UGT2A2: variants seen among roughly 807,000 people sequenced by gnomAD.
UGT2A2 encodes UDP-glucuronosyltransferase 2A2.
In UGT2A2, 60 loss-of-function variants were observed where a neutral mutation model predicts 50.7. The observed-to-expected ratio is 1.18, with a 90% confidence interval of 0.96 to 1.47. UGT2A2 has a LOEUF of 1.47. Ranked by LOEUF, UGT2A2 falls within the 40% of genes most tolerant of loss-of-function variation. UGT2A2 has a pLI of 0.00. For missense variants in UGT2A2, 762 were observed against 634.0 expected (o/e 1.20, Z -2.17); for synonymous variants, 242 against 214.6 (o/e 1.13, Z -1.11).
At chr4:69,595,115 C>A (rs752513302) in intron 4 of UGT2A2, 47 bp downstream of exon 4, 1 of 1,605,150 alleles carries the variant, frequency 6.2e-7, no homozygotes, top group African/African-American at 1.3e-5. Context: ...AGTTACTTAA[C>A]TTGTCTATTG....
chr4:69,637,614 TC>T (rs1271484920), intron 1 of UGT2A2, among the ~76,000 whole-genome samples: 2 of 152,156 alleles, frequency 1.3e-5, no homozygotes, highest in African/African-American at 4.8e-5. Context: ...CTCTGCCTGC[TC>T]TATTTAAATA....
intron 1 of UGT2A2, among the ~76,000 whole-genome samples, chr4:69,613,688 T>C (rs1021472738): frequency 2.0e-5 from 3 of 152,046 alleles, no homozygotes; most frequent in African/African-American, 7.2e-5. Context: ...AATCAATAAA[T>C]GTGATACATC....
At chr4:69,591,122 A>G (rs1250740307) in intron 5 of UGT2A2, among the ~76,000 whole-genome samples, 1 of 152,114 alleles carries the variant, frequency 6.6e-6, no homozygotes, top group Non-Finnish European at 1.5e-5. Flanking sequence ...TTTTGCATCA[A>G]TAGTTTTGTC....
chr4:69,616,245 G>T (rs1720373056), intron 1 of UGT2A2, among the ~76,000 whole-genome samples: 1 of 151,814 alleles, frequency 6.6e-6, no homozygotes, highest in Admixed American at 6.6e-5. Flanking sequence ...CTTGGGGGGT[G>T]GGGAGGGTAT....
chr4:69,599,583 G>A, intron 1 of UGT2A2, 189 bp from the exon 2 acceptor site: 8 of 813,892 alleles, frequency 9.8e-6, no homozygotes, highest in South Asian at 3.8e-5. Flanking sequence ...GAAGGAGGAA[G>A]GAAGAAAAGA....
chr4:69,604,996 A>C (rs1400195719), intron 1 of UGT2A2, among the ~76,000 whole-genome samples: 1 of 136,318 alleles, frequency 7.3e-6, no homozygotes, highest in Non-Finnish European at 1.6e-5. Flanking sequence ...CCCACTGTCA[A>C]CGTTAGACAG....
intron 1 of UGT2A2, among the ~76,000 whole-genome samples, chr4:69,624,283 ATGCAGCCACTCCAC>A (rs1349668934): frequency 6.6e-5 from 10 of 151,518 alleles, no homozygotes; most frequent in African/African-American, 1.7e-4. Context: ...TCTAATATTA[ATGCAGCCACTCCAC>A]CTTTACTTTA....
At chr4:69,620,656 A>C (rs1259027972) in intron 1 of UGT2A2, among the ~76,000 whole-genome samples, 2 of 69,892 alleles carry the variant, frequency 2.9e-5, no homozygotes, top group Non-Finnish European at 6.2e-5. Flanking sequence ...ATATGGAACC[A>C]AAAAAAAAAA....
chr4:69,607,132 C>A (rs544263850), intron 1 of UGT2A2, among the ~76,000 whole-genome samples: 12 of 147,510 alleles, frequency 8.1e-5, no homozygotes. Context: ...GCCAAAAGAA[C>A]AAAGCTGGAG....
At chr4:69,612,099 C>G (rs548206989) in intron 1 of UGT2A2, among the ~76,000 whole-genome samples, 1 of 152,062 alleles carries the variant, frequency 6.6e-6, no homozygotes, top group African/African-American at 2.4e-5. Flanking sequence ...AGCCTCAAAG[C>G]CTTCCCACAG....
chr4:69,622,560 T>C (rs1257558325), intron 1 of UGT2A2, among the ~76,000 whole-genome samples: 2 of 151,754 alleles, frequency 1.3e-5, no homozygotes, highest in African/African-American at 2.4e-5. Context: ...ATCTATATAA[T>C]GGATACAATA....
At chr4:69,618,636 G>A (rs535487286) in intron 1 of UGT2A2, among the ~76,000 whole-genome samples, 7 of 151,886 alleles carry the variant, frequency 4.6e-5, no homozygotes, top group African/African-American at 1.2e-4. Flanking sequence ...TGAAACCCTC[G>A]ATACAGTAAA....
rs756716096 is a variant in UGT2A2, at chr4:69,594,524, T to G, written c.1284A>C (p.Thr428=). The G allele has an allele frequency of 1.9e-6, 3 of 1,614,034 alleles. No homozygotes were observed. The African/African-American group carries it at 4.0e-5, about 22-fold the overall frequency. Residue 428 remains threonine, a synonymous_variant, in exon 5 of 6, where the codon ACA becomes ACC. Coordinates refer to ENST00000604629, the MANE Select transcript of UGT2A2 (RefSeq NM_001105677.2). Reference sequence around the variant, plus strand: ...TCAAAGCGCTAAGCAAATCCACACTTGTCATTGTGTTTAGGTTCACTTCCA... The same window carrying G: ...TCAAAGCGCTAAGCAAATCCACACTGGTCATTGTGTTTAGGTTCACTTCCA... ...AAVEVNLNTM[T]SVDLLSALRT...
In UGT2A2 at chr4:69,588,806, A is replaced by G. The variant is rs1276443552; in HGVS notation, c.*566T>C. 2 of 152,144 alleles carry G rather than the reference A, an allele frequency of 1.3e-5. No individual in the cohort carries two copies. The highest frequency in any genetic ancestry group is 4.8e-5 in the African/African-American group (2 of 41,444). The allele number at this position is 152,144 out of a possible 1,614,324, so 9.4% of individuals were successfully genotyped here. A position where few individuals can be genotyped will look rare whatever the true frequency, so the allele number is the denominator to read the frequency against. ...AATGAAAATTTTGTAGACATTTAAT[A>G]GGGACGCACGTCACACTTAAAATTC... On this transcript the variant is annotated 3_prime_UTR_variant, in exon 6 of 6. Coordinates refer to ENST00000604629, the MANE Select transcript of UGT2A2 (RefSeq NM_001105677.2).
intron 1 of UGT2A2, among the ~76,000 whole-genome samples, chr4:69,617,366 G>A (rs1040918927): frequency 1.3e-5 from 2 of 151,736 alleles, no homozygotes; most frequent in East Asian, 3.9e-4. Flanking sequence ...TGTTGACGGC[G>A]TAAAAATAAA....
At chr4:69,615,235 C>A (rs551721831) in intron 1 of UGT2A2, among the ~76,000 whole-genome samples, 1 of 152,008 alleles carries the variant, frequency 6.6e-6, no homozygotes, top group Non-Finnish European at 1.5e-5. Flanking sequence ...TAAATCTAAT[C>A]TTTCTAATCT....
At position 69,612,560 on chromosome 4, in the gene UGT2A2, A is replaced by G. The variant is rs373041200; in HGVS notation, c.743-13166T>C. On this transcript the variant is annotated intron_variant, in intron 1 of 5. Transcript: ENST00000604629. Reference sequence around the variant, plus strand: ...AGATAGACGAATGGAGCAGAAAACAAAACTCATTAATAAAGCCACACAAAA... The same window carrying G: ...AGATAGACGAATGGAGCAGAAAACAGAACTCATTAATAAAGCCACACAAAA... Among the ~76,000 whole-genome samples the G allele has an allele frequency of 6.6e-5, 10 of 152,100 alleles. 1 individual carries two copies. The highest frequency in any genetic ancestry group is 2.2e-4 in the African/African-American group (9 of 41,546).
At chr4:69,635,131 A>C (rs190774438) in intron 1 of UGT2A2, among the ~76,000 whole-genome samples, 187 of 152,326 alleles carry the variant, frequency 1.2e-3, no homozygotes, top group Non-Finnish European at 1.7e-3. Context: ...AAAAATAAAA[A>C]TAAATTTAAA....
At chr4:69,597,018 A>G (rs1477834035) in intron 2 of UGT2A2, among the ~76,000 whole-genome samples, 1 of 152,196 alleles carries the variant, frequency 6.6e-6, no homozygotes. Flanking sequence ...TTGCAAACTC[A>G]TAAAAACAGT....
Sources: allele counts gnomAD v4.1 joint callset (sites outside exome capture counted in the v4.1 genomes callset), GRCh38; gene constraint gnomAD v4.1.1; transcripts MANE v1.5; gene names NCBI Gene and HGNC (gene_info 2026-07-23, HGNC 2026-07-21).